Variants in PARP15 observed in about 807,000 individuals in gnomAD.
PARP15 encodes the protein protein mono-ADP-ribosyltransferase PARP15.
Under a neutral mutation model 62.1 loss-of-function variants are expected in PARP15, and 50 were observed. The ratio of observed to expected loss-of-function variants is 0.81; its 90% CI spans 0.64 to 1.02. The LOEUF is 1.02. PARP15 is among the 50% of genes least tolerant of loss of function. PARP15 has a pLI of 0.00. For synonymous variants in PARP15, 309 were observed against 293.1 expected, an observed-to-expected ratio of 1.05 and a Z score of -0.55; for missense variants, 820 against 826.5, an observed-to-expected ratio of 0.99 and a Z score of 0.10.
At chr3:122,583,868 C>T (rs910418640) in intron 1 of PARP15, among the ~76,000 whole-genome samples, 3 of 152,196 alleles carry the variant, frequency 2.0e-5, no homozygotes, top group East Asian at 1.9e-4. Flanking sequence ...GCGCAACTCT[C>T]TCCTCTCCAG....
intron 10 of PARP15, 29 bp from the exon 11 acceptor site, chr3:122,634,991 T>C: frequency 6.2e-7 from 1 of 1,610,240 alleles, no homozygotes; most frequent in Non-Finnish European, 8.5e-7. Context: ...AGGTCCTTTC[T>C]GAAATATTTT....
intron 4 of PARP15, 78 bp downstream of exon 4, chr3:122,613,346 T>C (rs1474900734): frequency 9.6e-6 from 12 of 1,253,032 alleles, no homozygotes; most frequent in Non-Finnish European, 1.4e-5. Flanking sequence ...GATCTAGGAA[T>C]AACCGTGTTT....
rs972414615 is a variant in PARP15 at position 122,631,344 on chromosome 3, A to G, written c.1439-742A>G. ...GGATGGACTTGCTCAACAGGAAGAC[A>G]GTGCCCTGGATCCCTCTCTCAGGCC... On this transcript the variant is annotated intron_variant, in intron 9 of 11. Transcript: ENST00000464300. Among the ~76,000 whole-genome samples, 50 of 152,250 alleles carry G rather than the reference A, an allele frequency of 3.3e-4. 2 individuals are homozygous for G. The highest frequency in any genetic ancestry group is 3.1e-3 in the Admixed American group (48 of 15,290).
intron 8 of PARP15, among the ~76,000 whole-genome samples, chr3:122,626,365 A>AT (rs1936730551): frequency 6.6e-6 from 1 of 151,922 alleles, no homozygotes; most frequent in Admixed American, 6.6e-5. Flanking sequence ...CGCCTGGCTA[A>AT]TTTTTTGTAT....
At chr3:122,595,934 T>C (rs1303147890) in intron 1 of PARP15, among the ~76,000 whole-genome samples, 2 of 152,172 alleles carry the variant, frequency 1.3e-5, no homozygotes, top group African/African-American at 4.8e-5. Flanking sequence ...CTCTACACTC[T>C]CTAGGATCTA....
intron 4 of PARP15, 23 bp from the exon 5 acceptor site, chr3:122,615,756 T>C (rs1253770015): frequency 6.2e-7 from 1 of 1,608,340 alleles, no homozygotes; most frequent in Admixed American, 1.7e-5. Context: ...ATTGTTGTAG[T>C]CAGTAACTGT....
At position 122,577,852 on chromosome 3, in the gene PARP15, T is replaced by G. The variant is rs1043597815; in HGVS notation, c.185T>G (p.Met62Arg). ...KASRRSSSRSMSRDNKFSKKD... is the reference protein window; with the variant it reads ...KASRRSSSRSRSRDNKFSKKD... ...TCCCGGCGCTCTTCCTCCCGGAGTATGGTGAGGAGCGCGGGGGACGGGTGC... is the reference window on the plus strand; with the variant it reads ...TCCCGGCGCTCTTCCTCCCGGAGTAGGGTGAGGAGCGCGGGGGACGGGTGC... The change falls in exon 1 of 12, where the codon ATG (methionine) becomes AGG (arginine). Residue 62 changes from methionine (M) to arginine (R), a missense_variant and splice_region_variant. Met to Arg is a moderately conservative substitution (Grantham distance 91, BLOSUM62 -1). Around this residue, in one of 3 missense-constraint regions of PARP15, gnomAD observed 731 missense variants for 727.7 expected, o/e 1.00. Transcript: ENST00000464300. The G allele has an allele frequency of 1.4e-5, 22 of 1,543,790 alleles. No homozygotes were observed. Among genetic ancestry groups the G allele is most frequent in the Non-Finnish European group, 1.7e-5 (19 of 1,142,348 alleles).
At chr3:122,581,265 A>T (rs561817523) in intron 1 of PARP15, among the ~76,000 whole-genome samples, 2 of 152,078 alleles carry the variant, frequency 1.3e-5, no homozygotes, top group Non-Finnish European at 2.9e-5. Flanking sequence ...TCCTATTTTT[A>T]ATTTTTTTGG....
At chr3:122,594,088 C>A (rs1224235413) in intron 1 of PARP15, among the ~76,000 whole-genome samples, 3 of 152,148 alleles carry the variant, frequency 2.0e-5, no homozygotes, top group Admixed American at 2.0e-4. Context: ...ACAGCTAGTA[C>A]CTGTTTCAGA....
chr3:122,596,005 A>G lies in PARP15; in HGVS notation c.187-9931A>G, dbSNP rs192513345. The stretch of plus-strand genomic sequence containing the variant: ...TTATCTGCAGTCAAGACTCTCTCCT[A>G]AACTCCAGTATCTATGCTCATTGCC... On this transcript the variant is annotated intron_variant, in intron 1 of 11. Coordinates refer to ENST00000464300, the MANE Select transcript of PARP15 (RefSeq NM_001113523.3). 5.3e-5 allele frequency among the ~76,000 whole-genome samples: 8 copies of G among 152,076 alleles called. No individual in the cohort carries two copies. The East Asian group carries it at 1.5e-3, about 29-fold the overall frequency.
At chr3:122,621,691 T>G in intron 8 of PARP15, 80 bp downstream of exon 8, 1 of 1,263,380 alleles carries the variant, frequency 7.9e-7, no homozygotes, top group Non-Finnish European at 1.1e-6. Context: ...AGCAGATCAG[T>G]GCTGAATCCA....
intron 1 of PARP15, among the ~76,000 whole-genome samples, chr3:122,597,844 T>G (rs1005876028): frequency 6.6e-6 from 1 of 152,210 alleles, no homozygotes; most frequent in East Asian, 1.9e-4. Context: ...AAGTCCCTTA[T>G]GTAAAATGGC....
Position 122,612,941 on chromosome 3 carries a change from A to G in PARP15, c.544-100A>G, listed in dbSNP as rs1388272306. ...TTCTCAGGCCCTGACTAAGCCAACA[A>G]TAGCAGAGAGGTCCTTGTCAGAGTT... On this transcript the variant is annotated intron_variant, in intron 3 of 11. Coordinates refer to ENST00000464300, the MANE Select transcript of PARP15 (RefSeq NM_001113523.3). 5.8e-6 allele frequency: 6 copies of G among 1,038,506 alleles called. No homozygotes were observed. In the Admixed American group the frequency reaches 1.3e-4, roughly 22 times the overall value. 64.3% of individuals were successfully genotyped at this position (1,038,506 alleles called of 1,614,324 possible).
Position 122,580,015 on chromosome 3 carries a change from A to G in PARP15, c.186+2162A>G, listed in dbSNP as rs1264439980. Reference sequence around the variant, plus strand: ...CAACTATATGTATATATATATATATATATATATATATATATATATATGCAC... The same window carrying G: ...CAACTATATGTATATATATATATATGTATATATATATATATATATATGCAC... On this transcript the variant is annotated intron_variant, in intron 1 of 11. Coordinates refer to ENST00000464300, the MANE Select transcript of PARP15 (RefSeq NM_001113523.3). Among the ~76,000 whole-genome samples, 12 of 115,218 alleles carry G rather than the reference A, an allele frequency of 1.0e-4. 1 individual carries two copies. Among genetic ancestry groups the G allele is most frequent in the Admixed American group, 4.7e-4 (5 of 10,594 alleles). 75.6% of individuals were successfully genotyped at this position (115,218 alleles called of 152,430 possible).
chr3:122,636,309 A>AT lies in PARP15; in HGVS notation c.*210dup. ...TTGATGGGTGGAAGCTGAGAAATGT[A>AT]TGGTAAATGTCACAGAGCTACAACC... On this transcript the variant is annotated 3_prime_UTR_variant, in exon 12 of 12. Transcript: ENST00000464300. The AT allele has an allele frequency of 1.8e-6, 1 of 555,456 alleles. No individual in the cohort carries two copies. Among genetic ancestry groups the AT allele is most frequent in the South Asian group, 2.3e-5 (1 of 42,902 alleles). 34.4% of individuals were successfully genotyped at this position (555,456 alleles called of 1,614,324 possible).
At chr3:122,619,922 C>T in intron 7 of PARP15, 79 bp downstream of exon 7, 2 of 1,332,998 alleles carry the variant, frequency 1.5e-6, no homozygotes. Context: ...TACAGGAGGA[C>T]TGGAGGTGGA....
At chr3:122,585,118 G>T (rs1933316415) in intron 1 of PARP15, among the ~76,000 whole-genome samples, 1 of 152,156 alleles carries the variant, frequency 6.6e-6, no homozygotes, top group African/African-American at 2.4e-5. Flanking sequence ...AACTAAACTG[G>T]GTCTATTTGC....
In PARP15 at chr3:122,610,787, G is replaced by A. The variant is rs975525820; in HGVS notation, c.543+57G>A. 35 of 1,419,422 alleles carry A rather than the reference G, an allele frequency of 2.5e-5. No homozygotes were observed. In the African/African-American group the frequency reaches 4.9e-4, roughly 20 times the overall value. The allele number at this position is 1,419,422 out of a possible 1,614,324, so 87.9% of individuals were successfully genotyped here. A position where few individuals can be genotyped will look rare whatever the true frequency, so the allele number is the denominator to read the frequency against. ...GGGTGGCTTTGGGAATCTCCTTCTG[G>A]TGTGGTATAGATCTGTGCTCAAGGG... On this transcript the variant is annotated intron_variant, in intron 3 of 11. Transcript: ENST00000464300.
chr3:122,617,052 A>G lies in PARP15; in HGVS notation c.888A>G (p.Ala296=), dbSNP rs780771114. ...VGTVSKPCFT[A]YEMKIGAITF... ...CTGTCTCTAAGCCTTGTTTCACAGC[A>G]TATGAAATGAAAATCGGTGCAATTA... Residue 296 remains alanine, a synonymous_variant, in exon 6 of 12, where the codon GCA becomes GCG. Coordinates refer to ENST00000464300, the MANE Select transcript of PARP15 (RefSeq NM_001113523.3). 1.2e-6 allele frequency: 2 copies of G among 1,614,194 alleles called. No individual in the cohort carries two copies. The highest frequency in any genetic ancestry group is 1.7e-6 in the Non-Finnish European group (2 of 1,180,028).
Sources: allele counts gnomAD v4.1 joint callset (sites outside exome capture counted in the v4.1 genomes callset), GRCh38; gene constraint gnomAD v4.1.1; regional missense constraint gnomAD v4.1.1; transcripts MANE v1.5; gene names NCBI Gene and HGNC (gene_info 2026-07-23, HGNC 2026-07-21).